PAN3: variants seen among roughly 807,000 people sequenced by gnomAD.
PAN3 encodes poly(A) specific ribonuclease subunit PAN3, also known as PAN2-PAN3 deadenylation complex subunit PAN3.
In PAN3, 19 loss-of-function variants were observed where a neutral mutation model predicts 96.2. That is an observed-to-expected ratio of 0.20 (90% CI 0.14 to 0.29). The LOEUF is 0.29. Ranked by LOEUF, PAN3 falls within the 10% of genes least tolerant of loss-of-function variation. The probability of loss-of-function intolerance (pLI) is 1.00; values close to 1 mark genes in which losing one functional copy is unlikely to be tolerated. For missense variants in PAN3, 882 were observed against 1,108.1 expected, an observed-to-expected ratio of 0.80 and a Z score of 2.90; for synonymous variants, 433 against 406.6, an observed-to-expected ratio of 1.06 and a Z score of -0.78.
In PAN3 at chr13:28,177,903, T is replaced by A. The variant is rs1170913282; in HGVS notation, c.658T>A (p.Phe220Ile). ...TSPASSLFND[F>I]GALNISQRRK... ...ACCTGCTTCATCCTTGTTTAATGACTTTGGTGCCCTCAACATCTCTCAGAG... is the reference window on the plus strand; with the variant it reads ...ACCTGCTTCATCCTTGTTTAATGACATTGGTGCCCTCAACATCTCTCAGAG... The change falls in exon 4 of 19, where the codon TTT (phenylalanine) becomes ATT (isoleucine). Residue 220 changes from phenylalanine to isoleucine, a missense_variant. Coordinates refer to ENST00000380958, the MANE Select transcript of PAN3 (RefSeq NM_175854.8). The A allele has an allele frequency of 1.9e-6, 3 of 1,613,026 alleles. No homozygotes were observed. Among genetic ancestry groups the A allele is most frequent in the Non-Finnish European group, 1.7e-6 (2 of 1,179,224 alleles).
At chr13:28,255,080 A>C (rs1885030711) in intron 6 of PAN3, among the ~76,000 whole-genome samples, 1 of 152,144 alleles carries the variant, frequency 6.6e-6, no homozygotes, top group South Asian at 2.1e-4. Flanking sequence ...TATCTTATGA[A>C]TTATTAGAAA....
chr13:28,213,100 T>C (rs1338469802), intron 5 of PAN3, among the ~76,000 whole-genome samples: 1 of 152,080 alleles, frequency 6.6e-6, no homozygotes, highest in Non-Finnish European at 1.5e-5. Context: ...TTCTGCATTC[T>C]TGGATTCAAC....
At chr13:28,176,452 T>A (rs1566160315) in intron 2 of PAN3, 41 bp from the exon 3 acceptor site, 2 of 1,555,078 alleles carry the variant, frequency 1.3e-6, no homozygotes, top group Non-Finnish European at 1.8e-6. Flanking sequence ...TTTATTTCTG[T>A]ATTCCTCAGT....
At chr13:28,221,426 A>G (rs927602680) in intron 6 of PAN3, among the ~76,000 whole-genome samples, 2 of 152,122 alleles carry the variant, frequency 1.3e-5, no homozygotes, top group Non-Finnish European at 2.9e-5. Context: ...TCAGCCAGGA[A>G]CTGGTACTGT....
At chr13:28,273,169 G>A (rs1316531706) in intron 14 of PAN3, among the ~76,000 whole-genome samples, 3 of 152,088 alleles carry the variant, frequency 2.0e-5, no homozygotes, top group Non-Finnish European at 4.4e-5. Flanking sequence ...TACTTTATTA[G>A]TATTTGATTA....
chr13:28,221,763 C>T (rs746762238), intron 6 of PAN3, among the ~76,000 whole-genome samples: 4 of 152,126 alleles, frequency 2.6e-5, no homozygotes, highest in Non-Finnish European at 5.9e-5. Flanking sequence ...TTCCTTTCTT[C>T]CCTAGAGAGC....
chr13:28,186,574 A>G (rs912560588), intron 4 of PAN3, among the ~76,000 whole-genome samples: 3 of 152,242 alleles, frequency 2.0e-5, no homozygotes, highest in Non-Finnish European at 2.9e-5. Flanking sequence ...TATGTACAAG[A>G]CGACTTTTCA....
At chr13:28,276,739 TTTC>T (rs1406368156) in intron 14 of PAN3, among the ~76,000 whole-genome samples, 1 of 152,190 alleles carries the variant, frequency 6.6e-6, no homozygotes, top group Non-Finnish European at 1.5e-5. Flanking sequence ...TAGGATAACT[TTTC>T]TTCAGATAAT....
intron 12 of PAN3, among the ~76,000 whole-genome samples, chr13:28,269,359 A>G (rs1437904290): frequency 6.6e-6 from 1 of 151,886 alleles, no homozygotes; most frequent in African/African-American, 2.4e-5. Context: ...CTTTTTTCTA[A>G]TAGTTTAAAA....
intron 17 of PAN3, among the ~76,000 whole-genome samples, chr13:28,283,697 TATTCCTC>T (rs1350389819): frequency 6.6e-6 from 1 of 152,258 alleles, no homozygotes; most frequent in Non-Finnish European, 1.5e-5. Context: ...TGACCTGACT[TATTCCTC>T]ATAACAACCC....
chr13:28,161,170 T>C (rs979696426), intron 1 of PAN3, among the ~76,000 whole-genome samples: 1 of 152,214 alleles, frequency 6.6e-6, no homozygotes, highest in Non-Finnish European at 1.5e-5. Context: ...TTTAATCTTT[T>C]ATTATGTGGC....
intron 13 of PAN3, 113 bp downstream of exon 13, chr13:28,270,979 A>T: frequency 1.9e-6 from 2 of 1,059,672 alleles, no homozygotes; most frequent in Non-Finnish European, 2.7e-6. Context: ...ATCCAGAAGA[A>T]CTTCTGTAAC....
intron 5 of PAN3, chr13:28,215,979 T>TG (rs1392306992): frequency 2.5e-6 from 2 of 795,520 alleles, no homozygotes; most frequent in African/African-American, 3.4e-5. Flanking sequence ...AGTTGGCCAT[T>TG]TAAGTTAATA....
chr13:28,175,240 G>A (rs1472295618), intron 2 of PAN3, among the ~76,000 whole-genome samples: 3 of 151,956 alleles, frequency 2.0e-5, no homozygotes, highest in African/African-American at 4.8e-5. Context: ...TCATCTTTAC[G>A]TTTCTCTCCC....
At chr13:28,184,249 A>G (rs1470928258) in intron 4 of PAN3, among the ~76,000 whole-genome samples, 2 of 151,622 alleles carry the variant, frequency 1.3e-5, no homozygotes, top group Non-Finnish European at 2.9e-5. Flanking sequence ...TTTGTTCCAG[A>G]TAATATGGTA....
chr13:28,141,378 A>T (rs1332017864), intron 1 of PAN3, among the ~76,000 whole-genome samples: 2 of 151,232 alleles, frequency 1.3e-5, no homozygotes, highest in Non-Finnish European at 2.9e-5. Context: ...TTTAAAAAAA[A>T]CTTTTAAAGT....
intron 1 of PAN3, among the ~76,000 whole-genome samples, chr13:28,143,613 T>A (rs1328725353): frequency 6.6e-6 from 1 of 152,236 alleles, no homozygotes; most frequent in Non-Finnish European, 1.5e-5. Flanking sequence ...TCAGTTTTTC[T>A]CATCTGGAAA....
At chr13:28,239,893 C>G (rs958166571) in intron 6 of PAN3, 5 of 313,886 alleles carry the variant, frequency 1.6e-5, no homozygotes, top group Non-Finnish European at 3.1e-5. Context: ...TTTTTGCCAG[C>G]AAGAATTTGT....
At chr13:28,195,026 TA>T (rs561564245) in intron 4 of PAN3, among the ~76,000 whole-genome samples, 6 of 151,036 alleles carry the variant, frequency 4.0e-5, no homozygotes, top group Non-Finnish European at 8.9e-5. Context: ...TGATAGCAAA[TA>T]AAAAAAAATG....
Sources: allele counts gnomAD v4.1 joint callset (sites outside exome capture counted in the v4.1 genomes callset), GRCh38; gene constraint gnomAD v4.1.1; transcripts MANE v1.5; gene names NCBI Gene and HGNC (gene_info 2026-07-23, HGNC 2026-07-21).